Variants in OSBPL10 observed in about 807,000 individuals in gnomAD.
OSBPL10 encodes oxysterol-binding protein-related protein 10.
In OSBPL10, 49 loss-of-function variants were observed where a neutral mutation model predicts 81.7. The ratio of observed to expected loss-of-function variants is 0.60; its 90% confidence interval spans 0.48 to 0.76. OSBPL10 has a LOEUF of 0.76. Ranked by LOEUF, OSBPL10 falls within the 30% of genes least tolerant of loss-of-function variation. The pLI, the probability that OSBPL10 is intolerant of heterozygous loss-of-function variation, is 0.00. For synonymous variants in OSBPL10, 419 were observed against 383.6 expected, an observed-to-expected ratio of 1.09 and a Z score of -1.08; for missense variants, 923 against 987.8, an observed-to-expected ratio of 0.93 and a Z score of 0.88.
intron 4 of OSBPL10, among the ~76,000 whole-genome samples, chr3:31,829,829 T>C (rs1444153457): frequency 1.3e-5 from 2 of 152,186 alleles, no homozygotes; most frequent in African/African-American, 4.8e-5. Context: ...GTTCTCAGAG[T>C]AGTCTCCTAA....
chr3:31,820,340 T>C (rs1229659274), intron 4 of OSBPL10, among the ~76,000 whole-genome samples: 1 of 152,172 alleles, frequency 6.6e-6, no homozygotes. Context: ...CTCACGCCTA[T>C]AATCCCAGTG....
intron 7 of OSBPL10, among the ~76,000 whole-genome samples, chr3:31,701,017 A>G (rs9849673): frequency 0.44 from 67,558 of 152,052 alleles, 17,519 homozygotes; most frequent in Middle Eastern, 0.62. Context: ...GCAGTCTCCC[A>G]GAATATCAGA....
chr3:31,738,130 G>T (rs11129460), intron 5 of OSBPL10, among the ~76,000 whole-genome samples: 5 of 151,812 alleles, frequency 3.3e-5, no homozygotes, highest in East Asian at 2.0e-4. Context: ...ACATGTCCTG[G>T]GCTGAACAGA....
At chr3:32,013,966 C>A (rs1699288912) in intron 2 of OSBPL10, among the ~76,000 whole-genome samples, 1 of 151,954 alleles carries the variant, frequency 6.6e-6, no homozygotes, top group Non-Finnish European at 1.5e-5. Flanking sequence ...GCTTAGCAAC[C>A]AAAAAAAGTA....
intron 1 of OSBPL10, 24 bp downstream of exon 1, chr3:31,980,875 T>C (rs1698819284): frequency 6.5e-7 from 1 of 1,544,656 alleles, no homozygotes; most frequent in Admixed American, 2.0e-5. Flanking sequence ...CGGCGCGCGG[T>C]GGCGCGGGCG....
intron 1 of OSBPL10, among the ~76,000 whole-genome samples, chr3:31,938,101 C>A (rs776490181): frequency 2.0e-5 from 3 of 152,106 alleles, no homozygotes. Context: ...TTTGACCCTA[C>A]GAACTCCTTC....
chr3:31,708,863 T>G (rs553639489), intron 6 of OSBPL10: 2 of 985,444 alleles, frequency 2.0e-6, no homozygotes, highest in South Asian at 4.7e-5. Context: ...TCAGAAGTCA[T>G]GCCGAAGACA....
intron 11 of OSBPL10, chr3:31,662,439 G>C: frequency 9.2e-7 from 1 of 1,082,034 alleles, no homozygotes; most frequent in Non-Finnish European, 1.1e-6. Context: ...AAGGAGAGTA[G>C]CTAGATGAAT....
chr3:31,752,057 G>A (rs563389721), intron 4 of OSBPL10, among the ~76,000 whole-genome samples: 45 of 152,214 alleles, frequency 3.0e-4, no homozygotes, highest in Middle Eastern at 3.4e-3. Context: ...ATGTGGTACC[G>A]AAAGGCTGAA....
chr3:31,670,519 A>G (rs1700296838), intron 9 of OSBPL10, among the ~76,000 whole-genome samples: 1 of 152,224 alleles, frequency 6.6e-6, no homozygotes, highest in South Asian at 2.1e-4. Flanking sequence ...CTGTGGCTTC[A>G]GAAGGGAGAG....
At chr3:31,894,617 G>A (rs563843488) in intron 1 of OSBPL10, among the ~76,000 whole-genome samples, 5 of 152,150 alleles carry the variant, frequency 3.3e-5, no homozygotes, top group Non-Finnish European at 5.9e-5. Flanking sequence ...TTCCAAACAC[G>A]TATTGCCTAA....
chr3:31,830,078 T>C lies in OSBPL10; in HGVS notation c.691A>G (p.Lys231Glu). The change falls in exon 4 of 12, where the codon AAG (lysine) becomes GAG (glutamate). Residue 231 changes from lysine to glutamate, a missense_variant. Around this residue, in one of 3 missense-constraint regions of OSBPL10, gnomAD observed 514 missense variants for 508.0 expected, o/e 1.01. Transcript: ENST00000396556. Reference protein sequence around the residue: ...HKSPAAARRAKSQYSGQLHEV... With the variant: ...HKSPAAARRAESQYSGQLHEV... ...TGAAGCTGGCCGGAATACTGACTCT[T>C]GGCTCTTCGGGCGGCTGCAGGCGAC... 6.2e-7 allele frequency: 1 copy of C among 1,613,996 alleles called. No individual in the cohort carries two copies.
At chr3:31,748,360 G>A (rs1427585621) in intron 4 of OSBPL10, among the ~76,000 whole-genome samples, 1 of 152,070 alleles carries the variant, frequency 6.6e-6, no homozygotes, top group Admixed American at 6.6e-5. Flanking sequence ...GGGCCATTAG[G>A]GCCATCTGGG....
chr3:31,717,657 T>C (rs1384793859), intron 6 of OSBPL10, among the ~76,000 whole-genome samples: 1 of 152,206 alleles, frequency 6.6e-6, no homozygotes, highest in East Asian at 1.9e-4. Context: ...TTAATTTGCA[T>C]TATGTGTGTC....
chr3:31,815,177 CCTGAGACAACATGAACACCGAGAGATG>C (rs1452960849), intron 4 of OSBPL10, among the ~76,000 whole-genome samples: 7 of 22,636 alleles, frequency 3.1e-4, no homozygotes, highest in Non-Finnish European at 4.9e-4. Flanking sequence ...CTCTTCCCGC[CCTGAGACAACATGAACACCGAGAGATG>C]CCCTGCCAGC....
At chr3:31,830,923 T>C (rs1415494634) in intron 3 of OSBPL10, among the ~76,000 whole-genome samples, 1 of 152,188 alleles carries the variant, frequency 6.6e-6, no homozygotes, top group African/African-American at 2.4e-5. Context: ...ATGATAAAGA[T>C]GGCATCTCAA....
chr3:31,698,838 G>C (rs571169039), intron 7 of OSBPL10, among the ~76,000 whole-genome samples: 29 of 152,208 alleles, frequency 1.9e-4, no homozygotes, highest in Admixed American at 1.8e-3. Context: ...CCCACCACTA[G>C]CTACCCTCCC....
intron 4 of OSBPL10, among the ~76,000 whole-genome samples, chr3:31,824,669 C>T (rs77506788): frequency 0.12 from 17,732 of 151,622 alleles, 1,668 homozygotes; most frequent in Admixed American, 0.3. Flanking sequence ...TACATCTGTG[C>T]TCTGGCCATT....
chr3:31,952,333 C>T (rs1263627346), intron 1 of OSBPL10, among the ~76,000 whole-genome samples: 3 of 152,206 alleles, frequency 2.0e-5, no homozygotes, highest in Non-Finnish European at 4.4e-5. Flanking sequence ...GCTTCTTTCA[C>T]TTCCCTTCAA....
Sources: allele counts gnomAD v4.1 joint callset (sites outside exome capture counted in the v4.1 genomes callset), GRCh38; gene constraint gnomAD v4.1.1; regional missense constraint gnomAD v4.1.1; transcripts MANE v1.5; gene names NCBI Gene and HGNC (gene_info 2026-07-23, HGNC 2026-07-21).